The following CCDC171 variants were observed in gnomAD, a reference collection of about 807,000 sequenced individuals.
CCDC171 encodes the protein coiled-coil domain-containing protein 171.
CCDC171 carries 177 observed loss-of-function variants against 168.2 expected under a neutral mutation model. The observed-to-expected ratio is 1.05, with a 90% confidence interval of 0.93 to 1.19. The LOEUF is 1.19. Among genes scored for constraint, CCDC171 ranks in the 50% most tolerant of loss-of-function variants. The probability of loss-of-function intolerance (pLI) is 0.00; values close to 1 mark genes in which losing one functional copy is unlikely to be tolerated. For synonymous variants in CCDC171, 687 were observed against 540.8 expected, an observed-to-expected ratio of 1.27 and a Z score of -3.75; for missense variants, 1,991 against 1,539.0, an observed-to-expected ratio of 1.29 and a Z score of -4.91.
intron 23 of CCDC171, among the ~76,000 whole-genome samples, chr9:15,869,524 G>C (rs72708850): frequency 8.5e-6 from 1 of 117,274 alleles, no homozygotes; most frequent in Non-Finnish European, 1.9e-5. Flanking sequence ...TTTTTTTTTT[G>C]TTTGTTTTTG....
chr9:15,666,428 G>A, intron 9 of CCDC171, 105 bp downstream of exon 9: 1 of 729,286 alleles, frequency 1.4e-6, no homozygotes, highest in Non-Finnish European at 2.2e-6. Context: ...TCCCATTAAT[G>A]TCAGTGGTAG....
rs1293648495 is a variant in CCDC171, at chr9:15,721,644, C to T, written c.1319-125C>T. 1.3e-5 allele frequency: 5 copies of T among 371,826 alleles called. No individual in the cohort carries two copies. In the South Asian group the frequency reaches 3.8e-4, roughly 28 times the overall value. 23.0% of individuals were successfully genotyped at this position (371,826 alleles called of 1,614,324 possible). A position where few individuals can be genotyped will look rare whatever the true frequency, so the allele number is the denominator to read the frequency against. On this transcript the variant is annotated intron_variant, in intron 11 of 25. Coordinates refer to ENST00000380701, the MANE Select transcript of CCDC171 (RefSeq NM_173550.4). ...TTCTCCAAGTATACTGCTGTATGGCCAAGTATTAATAGTTTCATAACGTCT... is the reference window on the plus strand; with the variant it reads ...TTCTCCAAGTATACTGCTGTATGGCTAAGTATTAATAGTTTCATAACGTCT...
chr9:15,634,667 T>C (rs972948838), intron 7 of CCDC171, among the ~76,000 whole-genome samples: 1 of 152,208 alleles, frequency 6.6e-6, no homozygotes, highest in African/African-American at 2.4e-5. Flanking sequence ...ATTTGCATAT[T>C]ATAAATTTGT....
At chr9:16,078,197 T>A in the CCDC171 span, among the ~76,000 whole-genome samples, 4 of 152,022 alleles carry the variant, frequency 2.6e-5, no homozygotes, top group Non-Finnish European at 4.4e-5. Context: ...TACGTACACT[T>A]TTTGTCAGTT....
chr9:15,986,945 C>T lies in CCDC171; in HGVS notation n.369-33644C>T, dbSNP rs965078155. Among the ~76,000 whole-genome samples, 6 of 108,626 alleles carry T rather than the reference C, an allele frequency of 5.5e-5. No individual in the cohort carries two copies. In the East Asian group the frequency reaches 1.4e-3, roughly 25 times the overall value. 71.3% of individuals were successfully genotyped at this position (108,626 alleles called of 152,430 possible). On this transcript the variant is annotated intron_variant and non_coding_transcript_variant, in intron 3 of 9. Coordinates refer to the CCDC171 transcript ENST00000486641. The stretch of plus-strand genomic sequence containing the variant: ...GGCATTAGAATTACTTGCATTTGTC[C>T]AGAAAAAAAACCTACATTGTTTATG...
At chr9:16,089,495 G>A in the CCDC171 span, among the ~76,000 whole-genome samples, 1 of 151,234 alleles carries the variant, frequency 6.6e-6, no homozygotes. Flanking sequence ...TTCTTCTAGA[G>A]TTTTTATGGT....
chr9:15,757,981 T>G (rs1175971628), intron 18 of CCDC171, among the ~76,000 whole-genome samples: 2 of 152,078 alleles, frequency 1.3e-5, no homozygotes, highest in Non-Finnish European at 2.9e-5. Flanking sequence ...GCTACAGGGG[T>G]GGGGCTCTTA....
intron 20 of CCDC171, among the ~76,000 whole-genome samples, chr9:15,783,111 T>C (rs2057750538): frequency 6.6e-6 from 1 of 152,184 alleles, no homozygotes; most frequent in Non-Finnish European, 1.5e-5. Context: ...GACAGTTGCT[T>C]CATAGAAGTG....
intron 23 of CCDC171, among the ~76,000 whole-genome samples, chr9:15,861,744 G>A (rs2061568959): frequency 6.6e-6 from 1 of 151,782 alleles, no homozygotes; most frequent in African/African-American, 2.4e-5. Context: ...ATACTTTCGT[G>A]TTTTAACTTT....
At chr9:15,956,871 CAGGTAGTCTT>C (rs1288597673) in intron 25 of CCDC171, among the ~76,000 whole-genome samples, 1 of 151,924 alleles carries the variant, frequency 6.6e-6, no homozygotes, top group African/African-American at 2.4e-5. Context: ...TTTTTAATGC[CAGGTAGTCTT>C]TATACAATAC....
intron 24 of CCDC171, among the ~76,000 whole-genome samples, chr9:15,900,291 G>T (rs1402244582): frequency 1.3e-5 from 2 of 152,212 alleles, no homozygotes; most frequent in Admixed American, 6.5e-5. Context: ...AAAGCAAACA[G>T]CCATGTTGAA....
intron 3 of CCDC171, among the ~76,000 whole-genome samples, chr9:16,000,528 G>A (rs189500300): frequency 6.6e-5 from 10 of 152,276 alleles, no homozygotes; most frequent in African/African-American, 2.4e-4. Context: ...GCAGACTGAG[G>A]TGGGGAGCGA....
intron 11 of CCDC171, among the ~76,000 whole-genome samples, chr9:15,698,539 A>T (rs908125944): frequency 1.3e-4 from 17 of 130,854 alleles, no homozygotes; most frequent in Middle Eastern, 7.8e-3. Context: ...AAAAAAAAAA[A>T]GGAACATAGG....
chr9:15,925,881 C>T (rs528869360), intron 25 of CCDC171, among the ~76,000 whole-genome samples: 5 of 151,604 alleles, frequency 3.3e-5, no homozygotes, highest in Admixed American at 2.0e-4. Context: ...CTTTGGAACT[C>T]ACACGTCTCT....
chr9:15,617,634 C>T (rs546175028), intron 6 of CCDC171, among the ~76,000 whole-genome samples: 1 of 152,234 alleles, frequency 6.6e-6, no homozygotes, highest in East Asian at 1.9e-4. Flanking sequence ...CCTCGGCCTC[C>T]AAAAGTGCTG....
intron 15 of CCDC171, 113 bp downstream of exon 15, chr9:15,728,149 T>C: frequency 3.7e-6 from 3 of 816,892 alleles, no homozygotes; most frequent in Non-Finnish European, 5.6e-6. Flanking sequence ...ATTTGGATGT[T>C]AATAATTCAA....
rs143697067 is a variant in CCDC171, at chr9:15,785,369, A to G, written c.3267+675A>G. Among the ~76,000 whole-genome samples, 90 of 152,262 alleles carry G rather than the reference A, an allele frequency of 5.9e-4. 1 individual carries two copies. In the East Asian group the frequency reaches 0.016, roughly 26 times the overall value. ...CCAGGGAAACAAAAATGATATAGCC[A>G]CTATATAGGATATCATACTTAATAC... On this transcript the variant is annotated intron_variant, in intron 21 of 25. Transcript: ENST00000380701.
intron 6 of CCDC171, among the ~76,000 whole-genome samples, chr9:16,027,969 G>C (rs1311030539): frequency 6.6e-6 from 1 of 152,176 alleles, no homozygotes; most frequent in Non-Finnish European, 1.5e-5. Flanking sequence ...ATCACTAGGT[G>C]TAAGGGGTTC....
intron 24 of CCDC171, among the ~76,000 whole-genome samples, chr9:15,889,616 G>A (rs1157983005): frequency 6.6e-6 from 1 of 152,164 alleles, no homozygotes; most frequent in Non-Finnish European, 1.5e-5. Flanking sequence ...GTACCTGTTT[G>A]CAAACTAAAG....
Sources: allele counts gnomAD v4.1 joint callset (sites outside exome capture counted in the v4.1 genomes callset), GRCh38; gene constraint gnomAD v4.1.1; transcripts MANE v1.5; gene names NCBI Gene and HGNC (gene_info 2026-07-23, HGNC 2026-07-21).